Variants in ASB18 observed in about 807,000 individuals in gnomAD.
ASB18 encodes the protein ankyrin repeat and SOCS box containing 18.
In ASB18, 33 loss-of-function variants were observed where a neutral mutation model predicts 33.4. The ratio of observed to expected loss-of-function variants is 0.99; its 90% CI spans 0.75 to 1.32. The LOEUF is 1.32. Ranked by LOEUF, ASB18 falls within the 40% of genes most tolerant of loss-of-function variation. The pLI is 0.00. For missense variants in ASB18, 694 were observed against 655.5 expected (o/e 1.06, Z -0.64); for synonymous variants, 295 against 307.6 (o/e 0.96, Z 0.43).
In ASB18 at chr2:236,221,208, A is replaced by T. The variant is rs2060509291; in HGVS notation, c.597-6342T>A. Among the ~76,000 whole-genome samples the T allele has an allele frequency of 6.9e-6, 1 of 145,458 alleles. No individual in the cohort carries two copies. Among genetic ancestry groups the T allele is most frequent in the Non-Finnish European group, 1.5e-5 (1 of 67,334 alleles). ...AGGACTCCACAACCACCAAAAGATGATGCTGACTGAGCAATGCAACAACAA... is the reference window on the plus strand; with the variant it reads ...AGGACTCCACAACCACCAAAAGATGTTGCTGACTGAGCAATGCAACAACAA... On this transcript the variant is annotated intron_variant, in intron 3 of 5. Transcript: ENST00000409749. The surrounding 1 kb of genome is among the most constrained non-coding windows in gnomAD (Gnocchi z 5.6).
intron 3 of ASB18, among the ~76,000 whole-genome samples, chr2:236,233,120 T>C (rs1235132497): frequency 1.3e-5 from 2 of 152,128 alleles, no homozygotes; most frequent in East Asian, 1.9e-4. Flanking sequence ...ATCCCAGGAA[T>C]GCAAGGTTGG....
Position 236,241,265 on chromosome 2 carries a change from AAAGAAC to A in ASB18, c.328+9_328+14del, listed in dbSNP as rs754233035. On this transcript the variant is annotated intron_variant, in intron 2 of 5. Coordinates refer to ENST00000409749, the MANE Select transcript of ASB18 (RefSeq NM_212556.4). This position sits in a 1 kb window ranked among gnomAD's most constrained non-coding sequence, Gnocchi z 4.2. ...CCTTAAAAATAAATGACTGAGCTTT[AAAGAAC>A]AAGGGTACCTGATAGTCCAAACGTG... is the stretch of plus-strand genomic sequence containing the variant. The A allele has an allele frequency of 4.3e-6, 7 of 1,613,174 alleles. No homozygotes were observed. Among genetic ancestry groups the A allele is most frequent in the Non-Finnish European group, 5.9e-6 (7 of 1,179,378 alleles).
intron 3 of ASB18, among the ~76,000 whole-genome samples, chr2:236,218,494 G>A (rs538603733): frequency 2.0e-4 from 30 of 152,298 alleles, no homozygotes; most frequent in East Asian, 1.9e-4. Flanking sequence ...ATATCTATGC[G>A]TATATGAAGA....
At chr2:236,207,711 G>C (rs563059505) in intron 4 of ASB18, among the ~76,000 whole-genome samples, 2 of 152,340 alleles carry the variant, frequency 1.3e-5, no homozygotes, top group African/African-American at 4.8e-5. Context: ...GCTTCTTCCT[G>C]CTACCCTCTT....
rs551312797 is a variant in ASB18 at position 236,251,899 on chromosome 2, T to C, written c.206-10497A>G. On this transcript the variant is annotated intron_variant, in intron 1 of 5. Transcript: ENST00000409749. The surrounding 1 kb of genome is among the most constrained non-coding windows in gnomAD (Gnocchi z 5.3). ...GTTTGCAGGTGGGAGGGTAAATTGC[T>C]GTTCAGTTTGGAAATGTTCTATACT... Among the ~76,000 whole-genome samples, 2 of 152,330 alleles carry C rather than the reference T, an allele frequency of 1.3e-5. No individual in the cohort carries two copies. Among genetic ancestry groups the C allele is most frequent in the South Asian group, 2.1e-4 (1 of 4,820 alleles).
rs901694588 is a variant in ASB18, at chr2:236,262,599, G to A, written c.205+1542C>T. Among the ~76,000 whole-genome samples, 1 of 152,232 alleles carries A rather than the reference G, an allele frequency of 6.6e-6. No homozygotes were observed. The highest frequency in any genetic ancestry group is 2.1e-4 in the South Asian group (1 of 4,834). ...ATGCAGTTTGCAGAGATCAGCCTCG[G>A]GGGGGTGCTTGGGCACGGTGGGCCT... On this transcript the variant is annotated intron_variant, in intron 1 of 5. Transcript: ENST00000409749. The surrounding 1 kb of genome is among the most constrained non-coding windows in gnomAD (Gnocchi z 5.2).
chr2:236,212,546 C>A (rs1298824623), intron 4 of ASB18, among the ~76,000 whole-genome samples: 2 of 152,130 alleles, frequency 1.3e-5, no homozygotes, highest in Non-Finnish European at 2.9e-5. Context: ...CCCCATTCTT[C>A]CCTGAATAAG....
rs72306273 is a variant in ASB18 at position 236,260,180 on chromosome 2, TCAGAGTTCTGTCTACTG to T, written c.205+3944_205+3960del. Among the ~76,000 whole-genome samples the T allele has an allele frequency of 0.1, 15,787 of 152,238 alleles. 1,569 individuals are homozygous for T. The highest frequency in any genetic ancestry group is 0.26 in the African/African-American group (10,865 of 41,498). The stretch of plus-strand genomic sequence containing the variant: ...CACATTGTCATCTTTAGAATAAAAC[TCAGAGTTCTGTCTACTG>T]GGCTTGTCCTTGGGATAGAAACCTC... On this transcript the variant is annotated intron_variant, in intron 1 of 5. Transcript: ENST00000409749. This position sits in a 1 kb window ranked among gnomAD's most constrained non-coding sequence, Gnocchi z 5.1.
chr2:236,263,914 T>C lies in ASB18; in HGVS notation c.205+227A>G, dbSNP rs1389252555. Among the ~76,000 whole-genome samples, 1 of 152,158 alleles carries C rather than the reference T, an allele frequency of 6.6e-6. No individual in the cohort carries two copies. Among genetic ancestry groups the C allele is most frequent in the Non-Finnish European group, 1.5e-5 (1 of 68,022 alleles). On this transcript the variant is annotated intron_variant, in intron 1 of 5. Transcript: ENST00000409749. The surrounding 1 kb of genome is among the most constrained non-coding windows in gnomAD (Gnocchi z 4.0). ...CAATGGAGCCACAGAGCAGCCACTG[T>C]GGTAGGATTAGTTTTTTTGTGTTGT...
chr2:236,207,060 T>C (rs188373452), intron 4 of ASB18, among the ~76,000 whole-genome samples: 3 of 152,324 alleles, frequency 2.0e-5, no homozygotes, highest in East Asian at 3.9e-4. Flanking sequence ...TCCACACTCG[T>C]TTCCCATGGT....
chr2:236,194,974 G>A lies in ASB18; in HGVS notation c.1299C>T (p.Arg433=). ...CLQHLCRCAL[R]RLFGKRCFDL... ...CAAAGCACCTTTTGCCAAACAGTCT[G>A]CGAAGAGCACAGCGGCAAAGATGCT... Residue 433 remains arginine (R), a synonymous_variant, in exon 6 of 6, where the codon CGC becomes CGT. Coordinates refer to ENST00000409749, the MANE Select transcript of ASB18 (RefSeq NM_212556.4). This position sits in a 1 kb window ranked among gnomAD's most constrained non-coding sequence, Gnocchi z 4.5. 8 of 1,613,976 alleles carry A rather than the reference G, an allele frequency of 5.0e-6. No individual in the cohort carries two copies. Among genetic ancestry groups the A allele is most frequent in the Non-Finnish European group, 6.8e-6 (8 of 1,179,878 alleles).
At chr2:236,212,293 G>A (rs2060462276) in intron 4 of ASB18, among the ~76,000 whole-genome samples, 1 of 152,184 alleles carries the variant, frequency 6.6e-6, no homozygotes, top group African/African-American at 2.4e-5. Context: ...TGAGCACCTA[G>A]AGAGGAGGTG....
rs2060508648 is a variant in ASB18, at chr2:236,221,039, C to T, written c.597-6173G>A. Among the ~76,000 whole-genome samples, 1 of 152,132 alleles carries T rather than the reference C, an allele frequency of 6.6e-6. No homozygotes were observed. Among genetic ancestry groups the T allele is most frequent in the African/African-American group, 2.4e-5 (1 of 41,438 alleles). On this transcript the variant is annotated intron_variant, in intron 3 of 5. Coordinates refer to ENST00000409749, the MANE Select transcript of ASB18 (RefSeq NM_212556.4). The surrounding 1 kb of genome is among the most constrained non-coding windows in gnomAD (Gnocchi z 5.6). ...GCTACCTGGCACGGTAGATGGCATC[C>T]TCCCTCCTTTTTGGTGAGGAGTTCA...
Position 236,237,798 on chromosome 2 carries a change from C to A in ASB18, c.487G>T (p.Gly163Cys). Reference sequence around the variant, plus strand: ...AGCAGGCGGACGCAGGCGGTGTGGCCCCCGAGGCAGGCCTCGTGCAGGGCG... The same window carrying A: ...AGCAGGCGGACGCAGGCGGTGTGGCACCCGAGGCAGGCCTCGTGCAGGGCG... ...RGALHEACLG[G>C]HTACVRLLLQ... The change falls in exon 3 of 6, where the codon GGC (glycine) becomes TGC (cysteine). Residue 163 changes from glycine to cysteine, a missense_variant. Physicochemically the swap from Gly to Cys is radical, Grantham distance 159. Transcript: ENST00000409749. This position sits in a 1 kb window ranked among gnomAD's most constrained non-coding sequence, Gnocchi z 6.2. 7.0e-7 allele frequency: 1 copy of A among 1,432,672 alleles called. No individual in the cohort carries two copies. 88.7% of individuals were successfully genotyped at this position (1,432,672 alleles called of 1,614,324 possible).
chr2:236,237,647 C>A lies in ASB18; in HGVS notation c.596+42G>T. ...GTGGGGGGAGGCGGGCGTCTGGTCT[C>A]GGGGCGGGGCGGACGCCGCGGGCCT... On this transcript the variant is annotated intron_variant, in intron 3 of 5. Transcript: ENST00000409749. The surrounding 1 kb of genome is among the most constrained non-coding windows in gnomAD (Gnocchi z 6.2). The A allele has an allele frequency of 8.1e-7, 1 of 1,238,132 alleles. No homozygotes were observed. The highest frequency in any genetic ancestry group is 2.1e-5 in the South Asian group (1 of 47,300). 76.7% of individuals were successfully genotyped at this position (1,238,132 alleles called of 1,614,324 possible).
Position 236,264,351 on chromosome 2 carries a change from C to T in ASB18, c.-6G>A, listed in dbSNP as rs747462961. 77 of 1,613,066 alleles carry T rather than the reference C, an allele frequency of 4.8e-5. 1 individual carries two copies. The highest frequency in any genetic ancestry group is 2.9e-4 in the East Asian group (13 of 44,862). Reference sequence around the variant, plus strand: ...AGGTAATCCGAGTTGGACATTGTTACGTCGTTTCTGCAGTGACCAGCCCTT... The same window carrying T: ...AGGTAATCCGAGTTGGACATTGTTATGTCGTTTCTGCAGTGACCAGCCCTT... On this transcript the variant is annotated 5_prime_UTR_variant, in exon 1 of 6. Coordinates refer to ENST00000409749, the MANE Select transcript of ASB18 (RefSeq NM_212556.4). The surrounding 1 kb of genome is among the most constrained non-coding windows in gnomAD (Gnocchi z 5.1).
In ASB18 at chr2:236,262,723, A is replaced by C. The variant is rs2060725082; in HGVS notation, c.205+1418T>G. ...CCCCCCCCAGGGCAATCTTCTAGAGAGATGGAAGGTACCAAGTTTGGGATC... is the reference window on the plus strand; with the variant it reads ...CCCCCCCCAGGGCAATCTTCTAGAGCGATGGAAGGTACCAAGTTTGGGATC... On this transcript the variant is annotated intron_variant, in intron 1 of 5. Transcript: ENST00000409749. This position sits in a 1 kb window ranked among gnomAD's most constrained non-coding sequence, Gnocchi z 5.2. 3.3e-5 allele frequency among the ~76,000 whole-genome samples: 5 copies of C among 152,052 alleles called. No homozygotes were observed. Among genetic ancestry groups the C allele is most frequent in the Admixed American group, 2.0e-4 (3 of 15,266 alleles).
chr2:236,221,244 A>AACAACAACG lies in ASB18; in HGVS notation c.597-6379_597-6378insCGTTGTTGT, dbSNP rs372831730. Among the ~76,000 whole-genome samples the AACAACAACG allele has an allele frequency of 1.4e-5, 2 of 141,388 alleles. No homozygotes were observed. The highest frequency in any genetic ancestry group is 5.3e-5 in the African/African-American group (2 of 38,022). 92.8% of individuals were successfully genotyped at this position (141,388 alleles called of 152,430 possible). A position where few individuals can be genotyped will look rare whatever the true frequency, so the allele number is the denominator to read the frequency against. On this transcript the variant is annotated intron_variant, in intron 3 of 5. Transcript: ENST00000409749. This position sits in a 1 kb window ranked among gnomAD's most constrained non-coding sequence, Gnocchi z 5.6. ...GCAATGCAACAACAACAACAACAAC[A>AACAACAACG]ACAAACAGCTGCTAAAAATAAGGCT... is the stretch of plus-strand genomic sequence containing the variant.
rs1455683839 is a variant in ASB18, at chr2:236,196,349, C to T, written c.1138G>A (p.Glu380Lys). Residue 380 changes from glutamate (E) to lysine (K), a missense_variant, in exon 5 of 6, where the codon GAG becomes AAG. Physicochemically the swap from Glu to Lys is moderately conservative, Grantham distance 56. Transcript: ENST00000409749. The surrounding 1 kb of genome is among the most constrained non-coding windows in gnomAD (Gnocchi z 5.6). ...KTCASVPAVI[E>K]VLFNSYPQLC... ...TGAGGGTAGGAGTTGAAAAGCACCT[C>T]GATGACTGCGGGGACAGATGCACAG... The T allele has an allele frequency of 2.4e-5, 37 of 1,567,730 alleles. No homozygotes were observed. Among genetic ancestry groups the T allele is most frequent in the East Asian group, 1.2e-4 (5 of 42,212 alleles).
Sources: allele counts gnomAD v4.1 joint callset (sites outside exome capture counted in the v4.1 genomes callset), GRCh38; gene constraint gnomAD v4.1.1; non-coding constraint Gnocchi (gnomAD v3.1); transcripts MANE v1.5; gene names NCBI Gene and HGNC (gene_info 2026-07-23, HGNC 2026-07-21).